IPCEF1: variants seen among roughly 807,000 people sequenced by gnomAD.
IPCEF1 encodes the protein interaction protein for cytohesin exchange factors 1.
In IPCEF1, 31 loss-of-function variants were observed where a neutral mutation model predicts 50.9. That is an observed-to-expected ratio of 0.61 (90% CI 0.46 to 0.82). The LOEUF (loss-of-function observed/expected upper bound fraction) is 0.82. Ranked by LOEUF, IPCEF1 falls within the 40% of genes least tolerant of loss-of-function variation. IPCEF1 has a pLI of 0.00. For synonymous variants in IPCEF1, 181 were observed against 192.0 expected (o/e 0.94, Z 0.47); for missense variants, 458 against 514.0 (o/e 0.89, Z 1.05).
chr6:154,327,196 A>G (rs1313152222), intron 1 of IPCEF1, among the ~76,000 whole-genome samples: 1 of 152,220 alleles, frequency 6.6e-6, no homozygotes, highest in Non-Finnish European at 1.5e-5. Context: ...AATTGCAACA[A>G]AAGCAAAAAT....
intron 1 of IPCEF1, among the ~76,000 whole-genome samples, chr6:154,333,816 A>AAT (rs1205521426): frequency 1.3e-5 from 2 of 151,338 alleles, no homozygotes; most frequent in South Asian, 2.1e-4. Flanking sequence ...TGTGTGTGTA[A>AAT]ATATATATAT....
chr6:154,195,583 C>T (rs1013939239), intron 10 of IPCEF1, among the ~76,000 whole-genome samples: 6 of 152,114 alleles, frequency 3.9e-5, no homozygotes, highest in South Asian at 2.1e-4. Flanking sequence ...CCTTTACCCA[C>T]GCCTCCCTTC....
chr6:154,229,904 C>T (rs1334755465), intron 5 of IPCEF1, among the ~76,000 whole-genome samples: 4 of 152,300 alleles, frequency 2.6e-5, no homozygotes, highest in East Asian at 1.9e-4. Flanking sequence ...AAACCAGTGA[C>T]GCTTGCTGAA....
chr6:154,192,851 C>T (rs1054835138), intron 10 of IPCEF1, among the ~76,000 whole-genome samples: 3 of 151,902 alleles, frequency 2.0e-5, no homozygotes, highest in East Asian at 1.9e-4. Flanking sequence ...CAAGAATGTC[C>T]GTAACTAAAA....
chr6:154,212,676 A>G lies in IPCEF1; in HGVS notation c.537+94T>C, dbSNP rs189986114. ...GGTATCTTAATTTAGCCCATTCTAA[A>G]AATTTATTGGTCAAGCTACTTCCTA... On this transcript the variant is annotated intron_variant, in intron 9 of 11. Transcript: ENST00000367220. The G allele has an allele frequency of 7.2e-5, 59 of 818,492 alleles. No individual in the cohort carries two copies. The East Asian group carries it at 1.5e-3, about 21-fold the overall frequency. 50.7% of individuals were successfully genotyped at this position (818,492 alleles called of 1,614,324 possible). A position where few individuals can be genotyped will look rare whatever the true frequency, so the allele number is the denominator to read the frequency against.
chr6:154,323,348 G>A (rs908501649), intron 1 of IPCEF1, among the ~76,000 whole-genome samples: 11 of 151,900 alleles, frequency 7.2e-5, no homozygotes, highest in Non-Finnish European at 1.5e-4. Context: ...ATTCTCCATG[G>A]CCTCCAGGAA....
chr6:154,308,777 G>A (rs1378691694), intron 1 of IPCEF1, among the ~76,000 whole-genome samples: 1 of 152,158 alleles, frequency 6.6e-6, no homozygotes, highest in Non-Finnish European at 1.5e-5. Flanking sequence ...AGCACAAAAG[G>A]AGTTAACATG....
intron 2 of IPCEF1, among the ~76,000 whole-genome samples, chr6:154,277,064 T>C (rs1462499639): frequency 6.6e-6 from 1 of 152,332 alleles, no homozygotes; most frequent in East Asian, 1.9e-4. Context: ...ACGAGCTGCA[T>C]GCAGCTTGTT....
chr6:154,322,180 C>T (rs1783399805), intron 1 of IPCEF1, among the ~76,000 whole-genome samples: 1 of 152,058 alleles, frequency 6.6e-6, no homozygotes, highest in Non-Finnish European at 1.5e-5. Context: ...AACAAAAAAC[C>T]TTCAGGCATG....
rs1391626170 is a variant in IPCEF1, at chr6:154,354,469, A to AC, written c.-62+2202dup. Among the ~76,000 whole-genome samples the AC allele has an allele frequency of 6.1e-3, 895 of 146,392 alleles. 14 individuals are homozygous for AC. The highest frequency in any genetic ancestry group is 0.017 in the African/African-American group (669 of 38,952). ...CACCACCACCTCCACCATCTCCTCC[A>AC]CAACCACCTCCACCATCTCTACCGT... On this transcript the variant is annotated intron_variant, in intron 1 of 11. Coordinates refer to ENST00000367220, the MANE Select transcript of IPCEF1 (RefSeq NM_001130700.2).
intron 3 of IPCEF1, among the ~76,000 whole-genome samples, chr6:154,249,326 T>C (rs879539216): frequency 6.6e-6 from 1 of 152,158 alleles, no homozygotes; most frequent in East Asian, 1.9e-4. Flanking sequence ...CTAGTACCTA[T>C]TGGCAAAATA....
intron 5 of IPCEF1, among the ~76,000 whole-genome samples, chr6:154,245,329 G>T (rs568061180): frequency 6.6e-6 from 1 of 151,980 alleles, no homozygotes; most frequent in Non-Finnish European, 1.5e-5. Context: ...GAGGAGCTTT[G>T]TGCCACATTT....
intron 6 of IPCEF1, among the ~76,000 whole-genome samples, chr6:154,221,548 G>C (rs1778859235): frequency 6.6e-6 from 1 of 152,200 alleles, no homozygotes; most frequent in South Asian, 2.1e-4. Flanking sequence ...GAACAGGGCT[G>C]AGTCTTAGCT....
chr6:154,206,083 C>G (rs1196452402), intron 9 of IPCEF1, among the ~76,000 whole-genome samples: 1 of 152,184 alleles, frequency 6.6e-6, no homozygotes, highest in African/African-American at 2.4e-5. Context: ...ATATTGGTAA[C>G]AGTCCCTAGC....
At chr6:154,261,754 C>T (rs1781607543) in intron 3 of IPCEF1, among the ~76,000 whole-genome samples, 1 of 152,076 alleles carries the variant, frequency 6.6e-6, no homozygotes, top group African/African-American at 2.4e-5. Context: ...ACTTACCATA[C>T]CAGCTTCAGT....
intron 1 of IPCEF1, among the ~76,000 whole-genome samples, chr6:154,311,446 A>T (rs1783075546): frequency 1.3e-5 from 2 of 152,154 alleles, no homozygotes; most frequent in South Asian, 4.1e-4. Context: ...CACCAATGCT[A>T]ATGGCAACCA....
At chr6:154,295,643 G>A (rs889201326) in intron 1 of IPCEF1, among the ~76,000 whole-genome samples, 10 of 152,186 alleles carry the variant, frequency 6.6e-5, no homozygotes, top group African/African-American at 2.2e-4. Context: ...GCTCATCTTG[G>A]CTTTTGCCAG....
chr6:154,227,691 T>A (rs1440697030), intron 5 of IPCEF1, among the ~76,000 whole-genome samples: 1 of 152,182 alleles, frequency 6.6e-6, no homozygotes, highest in South Asian at 2.1e-4. Flanking sequence ...CACTCCAGCC[T>A]GGGTGACAGA....
intron 1 of IPCEF1, among the ~76,000 whole-genome samples, chr6:154,340,302 G>A (rs546914339): frequency 3.3e-5 from 5 of 151,952 alleles, no homozygotes; most frequent in African/African-American, 1.2e-4. Flanking sequence ...CCAGGCTGGA[G>A]TGCAGTGGTG....
Sources: allele counts gnomAD v4.1 joint callset (sites outside exome capture counted in the v4.1 genomes callset), GRCh38; gene constraint gnomAD v4.1.1; transcripts MANE v1.5; gene names NCBI Gene and HGNC (gene_info 2026-07-23, HGNC 2026-07-21).